Variants in FCHO2 observed in about 807,000 individuals in gnomAD.
FCHO2 encodes F-BAR domain only protein 2.
In FCHO2, 43 loss-of-function variants were observed where a neutral mutation model predicts 114.1. That is an observed-to-expected ratio of 0.38 (90% CI 0.30 to 0.49). FCHO2 has a LOEUF of 0.49. Among genes scored for constraint, FCHO2 ranks in the 20% least tolerant of loss-of-function variants. FCHO2 has a pLI of 0.97. For synonymous variants in FCHO2, 293 were observed against 315.2 expected, an observed-to-expected ratio of 0.93 and a Z score of 0.75; for missense variants, 807 against 950.4, an observed-to-expected ratio of 0.85 and a Z score of 1.98.
chr5:73,007,654 C>T (rs563040570), intron 6 of FCHO2, among the ~76,000 whole-genome samples: 2 of 152,280 alleles, frequency 1.3e-5, no homozygotes, highest in East Asian at 1.9e-4. Context: ...TCCATCTTTA[C>T]CTACAATGGC....
intron 6 of FCHO2, among the ~76,000 whole-genome samples, chr5:73,010,342 A>T (rs2112724865): frequency 6.6e-6 from 1 of 152,334 alleles, no homozygotes; most frequent in East Asian, 1.9e-4. Flanking sequence ...ACTATTAATT[A>T]ATGAGACACT....
intron 7 of FCHO2, among the ~76,000 whole-genome samples, chr5:73,016,311 T>A (rs1311923554): frequency 2.3e-5 from 2 of 86,584 alleles, no homozygotes; most frequent in African/African-American, 6.5e-5. Flanking sequence ...TATTTTAAAT[T>A]GTTTAAATAT....
chr5:73,031,941 A>G (rs931253992), intron 8 of FCHO2, among the ~76,000 whole-genome samples: 3 of 152,268 alleles, frequency 2.0e-5, no homozygotes, highest in Admixed American at 6.5e-5. Flanking sequence ...GTAGCAAACT[A>G]TTCATTAAGA....
chr5:73,061,649 G>T (rs2112858970), intron 17 of FCHO2, among the ~76,000 whole-genome samples: 1 of 152,164 alleles, frequency 6.6e-6, no homozygotes, highest in African/African-American at 2.4e-5. Flanking sequence ...CACCACTCGA[G>T]AGCACAGATA....
At chr5:73,067,517 C>CT (rs754802154) in intron 18 of FCHO2, among the ~76,000 whole-genome samples, 4 of 151,970 alleles carry the variant, frequency 2.6e-5, no homozygotes, top group Non-Finnish European at 5.9e-5. Flanking sequence ...TTGTAAAACA[C>CT]TTTTTGCAGT....
chr5:72,957,009 G>A (rs1751585088), intron 1 of FCHO2, among the ~76,000 whole-genome samples: 1 of 152,004 alleles, frequency 6.6e-6, no homozygotes, highest in African/African-American at 2.4e-5. Flanking sequence ...AAGTACTGCA[G>A]GTCCATTTTC....
At chr5:73,011,985 T>C (rs916400301) in intron 6 of FCHO2, among the ~76,000 whole-genome samples, 1 of 152,150 alleles carries the variant, frequency 6.6e-6, no homozygotes, top group East Asian at 1.9e-4. Flanking sequence ...CTGGAGGCTG[T>C]TTTACAGTTA....
At chr5:72,994,287 CAAGAGA>C (rs1197135216) in intron 5 of FCHO2, among the ~76,000 whole-genome samples, 1 of 152,018 alleles carries the variant, frequency 6.6e-6, no homozygotes, top group Non-Finnish European at 1.5e-5. Flanking sequence ...AACAAATTTA[CAAGAGA>C]AAAACAACCC....
At chr5:73,070,694 C>T (rs1742601107) in intron 19 of FCHO2, among the ~76,000 whole-genome samples, 1 of 151,460 alleles carries the variant, frequency 6.6e-6, no homozygotes, top group Non-Finnish European at 1.5e-5. Context: ...AATAGGACAA[C>T]CAAAAGCAGG....
intron 1 of FCHO2, among the ~76,000 whole-genome samples, chr5:72,967,044 G>A (rs1292922176): frequency 6.6e-6 from 1 of 152,174 alleles, no homozygotes; most frequent in East Asian, 1.9e-4. Context: ...CCAGCACATT[G>A]GGAAGCCAAG....
chr5:73,049,292 A>G (rs1757234360), intron 11 of FCHO2, among the ~76,000 whole-genome samples: 1 of 152,038 alleles, frequency 6.6e-6, no homozygotes, highest in African/African-American at 2.4e-5. Context: ...TCACCACACC[A>G]CACCCCAAGA....
At chr5:73,046,245 T>G (rs1757050335) in intron 11 of FCHO2, among the ~76,000 whole-genome samples, 1 of 152,096 alleles carries the variant, frequency 6.6e-6, no homozygotes, top group African/African-American at 2.4e-5. Flanking sequence ...TTTTTATTTT[T>G]GAGTAGAGAC....
Position 73,063,964 on chromosome 5 carries a change from A to T in FCHO2, c.1449+20A>T. ...GAAATAGTATGTACTCAGGTTTTTT[A>T]AAAATTATTTAACTGTTTTGATTTA... On this transcript the variant is annotated intron_variant, in intron 18 of 25. Coordinates refer to ENST00000430046, the MANE Select transcript of FCHO2 (RefSeq NM_138782.3). 6.4e-7 allele frequency: 1 copy of T among 1,569,500 alleles called. No individual in the cohort carries two copies. The highest frequency in any genetic ancestry group is 1.4e-5 in the African/African-American group (1 of 73,778).
At chr5:73,080,917 T>C (rs768606678) in intron 22 of FCHO2, among the ~76,000 whole-genome samples, 3 of 151,944 alleles carry the variant, frequency 2.0e-5, no homozygotes, top group Non-Finnish European at 4.4e-5. Flanking sequence ...TCAAGACCAG[T>C]CTGGGCAATA....
chr5:73,068,583 T>A, intron 18 of FCHO2, 67 bp from the exon 19 acceptor site: 1 of 1,546,954 alleles, frequency 6.5e-7, no homozygotes. Flanking sequence ...TACCTCATAC[T>A]TAAAAATCTT....
chr5:73,034,755 C>T, intron 9 of FCHO2, 54 bp downstream of exon 9: 1 of 1,385,910 alleles, frequency 7.2e-7, no homozygotes, highest in Non-Finnish European at 9.8e-7. Context: ...CTAGTATCTT[C>T]TGTTCATTGA....
At chr5:72,970,852 C>G (rs1752507269) in intron 2 of FCHO2, among the ~76,000 whole-genome samples, 4 of 152,172 alleles carry the variant, frequency 2.6e-5, no homozygotes, top group Non-Finnish European at 5.9e-5. Context: ...CCTCTCCCCT[C>G]CCCGCAACCC....
At position 73,074,867 on chromosome 5, in the gene FCHO2, A is replaced by G. The variant is rs1297050472; in HGVS notation, c.1691+14A>G. On this transcript the variant is annotated intron_variant, in intron 20 of 25. Coordinates refer to ENST00000430046, the MANE Select transcript of FCHO2 (RefSeq NM_138782.3). ...AGATCCCACCAAGTTAGTTTTTAAAATATATGCATGTATGTGTATGTATGT... is the reference window on the plus strand; with the variant it reads ...AGATCCCACCAAGTTAGTTTTTAAAGTATATGCATGTATGTGTATGTATGT... The G allele has an allele frequency of 3.1e-6, 5 of 1,599,718 alleles. No individual in the cohort carries two copies. Among genetic ancestry groups the G allele is most frequent in the Non-Finnish European group, 4.3e-6 (5 of 1,170,634 alleles).
chr5:73,067,435 A>AT (rs1742408982), intron 18 of FCHO2, among the ~76,000 whole-genome samples: 2 of 151,970 alleles, frequency 1.3e-5, no homozygotes, highest in South Asian at 4.1e-4. Context: ...TTTTCAACCT[A>AT]TTGTCCATCA....
Sources: allele counts gnomAD v4.1 joint callset (sites outside exome capture counted in the v4.1 genomes callset), GRCh38; gene constraint gnomAD v4.1.1; transcripts MANE v1.5; gene names NCBI Gene and HGNC (gene_info 2026-07-23, HGNC 2026-07-21).